Variants in DAPK1 observed in about 807,000 individuals in gnomAD.
DAPK1 encodes death-associated protein kinase 1.
In DAPK1, 56 loss-of-function variants were observed where a neutral mutation model predicts 144.9. The observed-to-expected ratio is 0.39, with a 90% CI of 0.31 to 0.48. The LOEUF is 0.48. Ranked by LOEUF, DAPK1 falls within the 20% of genes least tolerant of loss-of-function variation. The pLI is 0.95. For synonymous variants in DAPK1, 690 were observed against 749.0 expected, an observed-to-expected ratio of 0.92 and a Z score of 1.29; for missense variants, 1,454 against 1,875.4, an observed-to-expected ratio of 0.78 and a Z score of 4.15.
chr9:87,662,722 T>G (rs986845547), intron 18 of DAPK1, among the ~76,000 whole-genome samples: 1 of 152,068 alleles, frequency 6.6e-6, no homozygotes, highest in African/African-American at 2.4e-5. Context: ...CAGAATTTTT[T>G]GGTGACATCC....
At chr9:87,550,437 A>C (rs1241072967) in intron 2 of DAPK1, among the ~76,000 whole-genome samples, 3 of 152,222 alleles carry the variant, frequency 2.0e-5, no homozygotes, top group African/African-American at 4.8e-5. Context: ...TGTCATTTAG[A>C]ATGTGTTCCA....
chr9:87,565,095 A>G (rs903004499), intron 2 of DAPK1, among the ~76,000 whole-genome samples: 2 of 152,286 alleles, frequency 1.3e-5, no homozygotes, highest in African/African-American at 4.8e-5. Flanking sequence ...TCCCAGAAAG[A>G]CTTTTCACAC....
chr9:87,707,388 G>T lies in DAPK1; in HGVS notation c.*24G>T. On this transcript the variant is annotated 3_prime_UTR_variant, in exon 26 of 26. Transcript: ENST00000408954. This position sits in a 1 kb window ranked among gnomAD's most constrained non-coding sequence, Gnocchi z 4.0. Reference sequence around the variant, plus strand: ...GAGGGCAGCCTCTGGCTTGGGCAGGGTCTGTTTGGACTGCAGAAGCAAGGG... The same window carrying T: ...GAGGGCAGCCTCTGGCTTGGGCAGGTTCTGTTTGGACTGCAGAAGCAAGGG... 1 of 1,542,986 alleles carries T rather than the reference G, an allele frequency of 6.5e-7. No homozygotes were observed. Among genetic ancestry groups the T allele is most frequent in the Non-Finnish European group, 8.8e-7 (1 of 1,131,244 alleles).
At chr9:87,576,198 G>T (rs150456631) in intron 2 of DAPK1, among the ~76,000 whole-genome samples, 2 of 152,158 alleles carry the variant, frequency 1.3e-5, no homozygotes, top group Non-Finnish European at 2.9e-5. Context: ...GCGTACACAC[G>T]TACACACACA....
At chr9:87,525,662 A>G (rs1825479935) in intron 2 of DAPK1, among the ~76,000 whole-genome samples, 1 of 152,138 alleles carries the variant, frequency 6.6e-6, no homozygotes, top group South Asian at 2.1e-4. Flanking sequence ...GTTAGGGCTG[A>G]GGGCCTCGGT....
At chr9:87,694,173 C>T (rs1161593515) in intron 21 of DAPK1, among the ~76,000 whole-genome samples, 1 of 152,186 alleles carries the variant, frequency 6.6e-6, no homozygotes, top group East Asian at 1.9e-4. Context: ...AGCCCTCTGG[C>T]TCCCAAGCAA....
chr9:87,571,493 A>ACACC lies in DAPK1; in HGVS notation c.63-33460_63-33459insACCC, dbSNP rs1564001003. Reference sequence around the variant, plus strand: ...CACACACCAACACACACACACACACACCCCAACACACACACACACACACAC... The same window carrying ACACC: ...CACACACCAACACACACACACACACACACCCCCCAACACACACACACACACACAC... On this transcript the variant is annotated intron_variant, in intron 2 of 25. Transcript: ENST00000408954. 1.4e-3 allele frequency among the ~76,000 whole-genome samples: 66 copies of ACACC among 47,048 alleles called. 8 individuals carry two copies. The highest frequency in any genetic ancestry group is 5.0e-3 in the East Asian group (6 of 1,206). The allele number at this position is 47,048 out of a possible 152,430, so 30.9% of individuals were successfully genotyped here.
At position 87,645,521 on chromosome 9, in the gene DAPK1, C is replaced by T. The variant is rs185101215; in HGVS notation, c.1012-374C>T. Among the ~76,000 whole-genome samples, 220 of 152,162 alleles carry T rather than the reference C, an allele frequency of 1.4e-3. 1 individual carries two copies. The highest frequency in any genetic ancestry group is 2.4e-3 in the Non-Finnish European group (160 of 68,006). On this transcript the variant is annotated intron_variant, in intron 11 of 25. Coordinates refer to ENST00000408954, the MANE Select transcript of DAPK1 (RefSeq NM_004938.4). The stretch of plus-strand genomic sequence containing the variant: ...CAATAGGCTTTTCTTTTTCCTTATC[C>T]AGGAAGAGAGTCTGTGTTATACCTA...
chr9:87,585,868 CT>C (rs1207640797), intron 2 of DAPK1, among the ~76,000 whole-genome samples: 1 of 152,182 alleles, frequency 6.6e-6, no homozygotes, highest in African/African-American at 2.4e-5. Flanking sequence ...AGGGCAAAAT[CT>C]ATCATAATCA....
At chr9:87,640,773 A>T (rs763724034) in intron 8 of DAPK1, 29 bp from the exon 9 acceptor site, 1 of 1,611,472 alleles carries the variant, frequency 6.2e-7, no homozygotes, top group Non-Finnish European at 8.5e-7. Flanking sequence ...TGGTCACAGC[A>T]TTTTTTTTCT....
chr9:87,658,163 G>T lies in DAPK1; in HGVS notation c.1923+36G>T. 3.5e-6 allele frequency: 3 copies of T among 849,212 alleles called. No homozygotes were observed. The South Asian group carries it at 4.3e-5, about 12-fold the overall frequency. 52.6% of individuals were successfully genotyped at this position (849,212 alleles called of 1,614,324 possible). Reference sequence around the variant, plus strand: ...ACAGGGCTTCGTGAAGGAGGGAGCTGCTGGGAGCCTCTGGCGCCTCCAGGG... The same window carrying T: ...ACAGGGCTTCGTGAAGGAGGGAGCTTCTGGGAGCCTCTGGCGCCTCCAGGG... On this transcript the variant is annotated intron_variant, in intron 18 of 25. Coordinates refer to ENST00000408954, the MANE Select transcript of DAPK1 (RefSeq NM_004938.4).
chr9:87,498,933 T>G, intron 1 of DAPK1, 37 bp from the exon 2 acceptor site: 1 of 619,600 alleles, frequency 1.6e-6, no homozygotes, highest in Non-Finnish European at 2.9e-6. Context: ...GGGTTGCCAT[T>G]TTACTATTAT....
chr9:87,512,285 ATT>A (rs35543817), intron 2 of DAPK1, among the ~76,000 whole-genome samples: 40 of 149,910 alleles, frequency 2.7e-4, no homozygotes, highest in East Asian at 3.9e-4. Context: ...CAAATAATTG[ATT>A]TTTTTTTTTC....
At chr9:87,668,803 T>C in intron 19 of DAPK1, 129 bp downstream of exon 19, 1 of 706,920 alleles carries the variant, frequency 1.4e-6, no homozygotes, top group Admixed American at 2.1e-5. Context: ...CAGTGGTCCC[T>C]GTCCTGTGGT....
chr9:87,517,716 C>T (rs1369614294), intron 2 of DAPK1, among the ~76,000 whole-genome samples: 1 of 152,170 alleles, frequency 6.6e-6, no homozygotes, highest in Non-Finnish European at 1.5e-5. Context: ...TGTGAGGTGA[C>T]AGCCCCATAA....
At chr9:87,698,930 C>G (rs1564077085) in intron 23 of DAPK1, 136 bp downstream of exon 23, 2 of 600,796 alleles carry the variant, frequency 3.3e-6, no homozygotes, top group Non-Finnish European at 5.9e-6. Flanking sequence ...TTGGTCAACT[C>G]TTTTCTTGTA....
At chr9:87,656,402 C>G (rs1457737019) in intron 17 of DAPK1, among the ~76,000 whole-genome samples, 10 of 152,196 alleles carry the variant, frequency 6.6e-5, no homozygotes, top group Admixed American at 5.9e-4. Flanking sequence ...ATCACACTCT[C>G]TTCCTCAGCT....
At chr9:87,539,154 C>T (rs891622994) in intron 2 of DAPK1, among the ~76,000 whole-genome samples, 4 of 151,134 alleles carry the variant, frequency 2.6e-5, no homozygotes, top group African/African-American at 7.3e-5. Flanking sequence ...ATCTTATATA[C>T]GTAGACTTTA....
rs528564066 is a variant in DAPK1 at position 87,505,833 on chromosome 9, A to T, written c.62+6694A>T. 1.2e-4 allele frequency among the ~76,000 whole-genome samples: 18 copies of T among 152,196 alleles called. No individual in the cohort carries two copies. In the South Asian group the frequency reaches 3.7e-3, roughly 32 times the overall value. ...CCTCCAAATAGCTGGAATTATAGGC[A>T]TGCATCACCATACCTGGCTAATTTT... On this transcript the variant is annotated intron_variant, in intron 2 of 25. Coordinates refer to ENST00000408954, the MANE Select transcript of DAPK1 (RefSeq NM_004938.4).
Sources: gnomAD v4.1 joint callset for allele counts (sites outside exome capture counted in the v4.1 genomes callset) on GRCh38, gnomAD v4.1.1 for gene constraint, Gnocchi (gnomAD v3.1) non-coding constraint, MANE v1.5 for transcripts, NCBI Gene and HGNC (gene_info 2026-07-23, HGNC 2026-07-21) for gene names.